The following XKR4 variants were observed in gnomAD, a reference collection of about 807,000 sequenced individuals.
XKR4 encodes the protein XK related 4, also known as XK-related protein 4.
Under a neutral mutation model 53.9 loss-of-function variants are expected in XKR4, and 12 were observed. The ratio of observed to expected loss-of-function variants is 0.22; its 90% CI spans 0.14 to 0.36. The LOEUF (loss-of-function observed/expected upper bound fraction) is 0.36, where lower values mean the gene tolerates loss of function less well. Among genes scored for constraint, XKR4 ranks in the 10% least tolerant of loss-of-function variants. The pLI, the probability that XKR4 is intolerant of heterozygous loss-of-function variation, is 1.00. For missense variants in XKR4, 799 were observed against 859.5 expected, an observed-to-expected ratio of 0.93 and a Z score of 0.88; for synonymous variants, 354 against 362.4, an observed-to-expected ratio of 0.98 and a Z score of 0.26.
chr8:55,272,241 C>T (rs1818702419), intron 1 of XKR4, among the ~76,000 whole-genome samples: 1 of 152,138 alleles, frequency 6.6e-6, no homozygotes, highest in African/African-American at 2.4e-5. Context: ...AGAGCAAGAA[C>T]ACAATGGAAG....
intron 2 of XKR4, among the ~76,000 whole-genome samples, chr8:55,443,743 A>T (rs1805305329): frequency 6.8e-6 from 1 of 147,102 alleles, no homozygotes; most frequent in Admixed American, 6.9e-5. Flanking sequence ...CGGGAGACTG[A>T]GGCAAGGGAA....
chr8:55,441,678 A>G (rs904674007), intron 2 of XKR4, among the ~76,000 whole-genome samples: 16 of 152,200 alleles, frequency 1.1e-4, no homozygotes, highest in Middle Eastern at 6.3e-3. Flanking sequence ...AACATTCTGA[A>G]GTTATAAATT....
chr8:55,102,571 C>A lies in XKR4; in HGVS notation c.83C>A (p.Ser28Ter). 1 of 1,552,042 alleles carries A rather than the reference C, an allele frequency of 6.4e-7. No individual in the cohort carries two copies. The highest frequency in any genetic ancestry group is 8.7e-7 in the Non-Finnish European group (1 of 1,147,124). The change falls in exon 1 of 3, where the codon TCG (serine) becomes TAG (stop). Residue 28 changes from serine to a stop codon, truncating the protein, a stop_gained. Coordinates refer to ENST00000327381, the MANE Select transcript of XKR4 (RefSeq NM_052898.2). LOFTEE classifies it high-confidence loss of function. This position sits in a 1 kb window ranked among gnomAD's most constrained non-coding sequence, Gnocchi z 5.1. ...AFTPLQNSDH[S>*]GSVQGLAPGL... The stretch of plus-strand genomic sequence containing the variant: ...ACCCCGCTGCAGAACTCGGACCACT[C>A]GGGCTCGGTGCAGGGATTGGCTCCA...
At chr8:55,454,239 C>G (rs1805515646) in intron 2 of XKR4, 9 of 1,175,644 alleles carry the variant, frequency 7.7e-6, no homozygotes, top group Non-Finnish European at 1.1e-5. Flanking sequence ...GTCACCGTCT[C>G]TCCATCCAGA....
chr8:55,148,152 A>T (rs982364822), intron 1 of XKR4, among the ~76,000 whole-genome samples: 6 of 152,262 alleles, frequency 3.9e-5, no homozygotes, highest in African/African-American at 7.2e-5. Context: ...GAATTTTAAG[A>T]TGGAAACATT....
intron 1 of XKR4, among the ~76,000 whole-genome samples, chr8:55,336,549 G>A (rs1488447173): frequency 1.3e-5 from 2 of 152,140 alleles, no homozygotes; most frequent in African/African-American, 4.8e-5. Context: ...TATGTAGGAT[G>A]TTATCACTGG....
At chr8:55,387,848 C>T (rs923324492) in intron 2 of XKR4, among the ~76,000 whole-genome samples, 3 of 152,084 alleles carry the variant, frequency 2.0e-5, no homozygotes, top group Admixed American at 6.5e-5. Flanking sequence ...GGAGATGGAG[C>T]CCCATCTCTG....
intron 2 of XKR4, chr8:55,453,369 G>A (rs1033264062): frequency 1.3e-5 from 6 of 453,852 alleles, no homozygotes; most frequent in African/African-American, 1.0e-4. Flanking sequence ...TGCAGGTACA[G>A]TTCCCGGGTG....
In XKR4 at chr8:55,271,119, C is replaced by G. The variant is rs190630211; in HGVS notation, c.807-86559C>G. On this transcript the variant is annotated intron_variant, in intron 1 of 2. Transcript: ENST00000327381. The stretch of plus-strand genomic sequence containing the variant: ...TTTTTTAAATCATGACCATCTTCCC[C>G]ATCATTTGGCTTCAAAACATTACAA... Among the ~76,000 whole-genome samples the G allele has an allele frequency of 6.6e-5, 10 of 152,116 alleles. No homozygotes were observed. In the East Asian group the frequency reaches 1.7e-3, roughly 26 times the overall value.
At chr8:55,453,394 A>AGCTCACC (rs1805489938) in intron 2 of XKR4, 1 of 434,692 alleles carries the variant, frequency 2.3e-6, no homozygotes, top group Non-Finnish European at 4.7e-6. Context: ...AGTGGCAGGC[A>AGCTCACC]GCTCACCACT....
intron 1 of XKR4, among the ~76,000 whole-genome samples, chr8:55,153,187 C>G (rs1374950496): frequency 1.3e-5 from 2 of 152,100 alleles, no homozygotes; most frequent in African/African-American, 4.8e-5. Context: ...TGAGGGCCTC[C>G]CAGTTTTAAA....
intron 2 of XKR4, among the ~76,000 whole-genome samples, chr8:55,427,207 C>T (rs760552821): frequency 7.2e-5 from 11 of 152,078 alleles, no homozygotes; most frequent in African/African-American, 9.7e-5. Context: ...ATAGAATAGA[C>T]GTCCAATAAC....
At chr8:55,255,720 A>G (rs544243303) in intron 1 of XKR4, among the ~76,000 whole-genome samples, 1 of 152,306 alleles carries the variant, frequency 6.6e-6, no homozygotes, top group East Asian at 1.9e-4. Context: ...CAAATAGGAG[A>G]CAGTTAACCT....
At chr8:55,389,282 G>A (rs1804403733) in intron 2 of XKR4, among the ~76,000 whole-genome samples, 1 of 152,146 alleles carries the variant, frequency 6.6e-6, no homozygotes, top group Non-Finnish European at 1.5e-5. Context: ...CACAGTCTGT[G>A]GTATTTGGTT....
intron 2 of XKR4, among the ~76,000 whole-genome samples, chr8:55,361,347 C>T (rs1240010653): frequency 6.6e-6 from 1 of 152,078 alleles, no homozygotes; most frequent in Non-Finnish European, 1.5e-5. Context: ...AGGGAGACCC[C>T]ACTCGACCGC....
At chr8:55,501,419 A>T (rs573170479) in intron 2 of XKR4, among the ~76,000 whole-genome samples, 1 of 152,264 alleles carries the variant, frequency 6.6e-6, no homozygotes, top group South Asian at 2.1e-4. Flanking sequence ...TCGTCTTCCC[A>T]AACTGAAATT....
intron 2 of XKR4, among the ~76,000 whole-genome samples, chr8:55,375,886 C>A (rs1222368798): frequency 1.3e-5 from 2 of 152,030 alleles, no homozygotes; most frequent in East Asian, 3.9e-4. Flanking sequence ...TCCCCCACAC[C>A]CTCCCCTAAC....
intron 2 of XKR4, among the ~76,000 whole-genome samples, chr8:55,436,684 CT>C (rs1805182331): frequency 6.6e-6 from 1 of 152,214 alleles, no homozygotes; most frequent in Non-Finnish European, 1.5e-5. Context: ...TGTCATGTCT[CT>C]GTGAAAGGAG....
intron 2 of XKR4, among the ~76,000 whole-genome samples, chr8:55,371,554 G>A (rs1016642621): frequency 6.6e-6 from 1 of 152,174 alleles, no homozygotes; most frequent in Non-Finnish European, 1.5e-5. Flanking sequence ...CCACTAGTCT[G>A]CTTAATCAAT....
Sources: gnomAD v4.1 joint callset for allele counts (sites outside exome capture counted in the v4.1 genomes callset) on GRCh38, gnomAD v4.1.1 for gene constraint, Gnocchi (gnomAD v3.1) non-coding constraint, MANE v1.5 for transcripts, NCBI Gene and HGNC (gene_info 2026-07-23, HGNC 2026-07-21) for gene names.